The following TET2 variants were observed in gnomAD, a reference collection of about 807,000 sequenced individuals.
The protein encoded by TET2 is tet methylcytosine dioxygenase 2, also known as methylcytosine dioxygenase TET2.
In TET2, 299 loss-of-function variants were observed where a neutral mutation model predicts 142.9. The observed-to-expected ratio is 2.09, with a 90% confidence interval of 1.90 to 2.30. The LOEUF is 2.30. Among genes scored for constraint, TET2 ranks in the 30% most tolerant of loss-of-function variants. The pLI is 0.00. For synonymous variants in TET2, 819 were observed against 849.0 expected, an observed-to-expected ratio of 0.96 and a Z score of 0.61; for missense variants, 2,418 against 2,378.0, an observed-to-expected ratio of 1.02 and a Z score of -0.35.
intron 6 of TET2, among the ~76,000 whole-genome samples, chr4:105,254,609 C>T (rs1730031344): frequency 1.3e-5 from 2 of 151,986 alleles, no homozygotes; most frequent in South Asian, 2.1e-4. Context: ...ATGGAGTTTT[C>T]CTATGTTGCC....
chr4:105,195,530 T>C (rs1726035327), intron 2 of TET2, among the ~76,000 whole-genome samples: 1 of 152,138 alleles, frequency 6.6e-6, no homozygotes, highest in Non-Finnish European at 1.5e-5. Context: ...TCAAGTCTCT[T>C]ATATAAAATA....
chr4:105,163,850 AGAGAGTGTGT>A (rs1724005851), intron 1 of TET2, among the ~76,000 whole-genome samples: 3 of 109,644 alleles, frequency 2.7e-5, no homozygotes, highest in East Asian at 5.2e-4. Context: ...AGAGAGAGAG[AGAGAGTGTGT>A]GTGTGTGTGT....
chr4:105,165,016 G>A (rs553220869), intron 1 of TET2, among the ~76,000 whole-genome samples: 1 of 152,102 alleles, frequency 6.6e-6, no homozygotes, highest in Non-Finnish European at 1.5e-5. Flanking sequence ...AGATATTACT[G>A]TTTTTCCTCT....
At position 105,190,508 on chromosome 4, in the gene TET2, A is replaced by G. The variant is rs1483616883; in HGVS notation, c.-47+3A>G. On this transcript the variant is annotated splice_donor_region_variant and intron_variant, in intron 2 of 10. Transcript: ENST00000380013. ...AGCAGTAAGGGACTGAGCTGCTGGT[A>G]AGACAGTGGAGACAGTTGACACTTG... 2.8e-6 allele frequency: 2 copies of G among 701,776 alleles called. No homozygotes were observed. The highest frequency in any genetic ancestry group is 3.0e-5 in the South Asian group (2 of 67,506). The allele number at this position is 701,776 out of a possible 1,614,324, so 43.5% of individuals were successfully genotyped here.
chr4:105,228,677 T>C (rs927945037), intron 2 of TET2, among the ~76,000 whole-genome samples: 1 of 152,166 alleles, frequency 6.6e-6, no homozygotes, highest in Non-Finnish European at 1.5e-5. Flanking sequence ...TTTTGATTGC[T>C]CTGTATATGA....
chr4:105,234,425 A>G lies in TET2; in HGVS notation c.483A>G (p.Lys161=). 6.2e-7 allele frequency: 1 copy of G among 1,614,018 alleles called. No homozygotes were observed. The highest frequency in any genetic ancestry group is 8.5e-7 in the Non-Finnish European group (1 of 1,180,010). The part of the protein sequence containing the change: ...VSSVAQENAV[K]DFTSFSTHNC... Reference sequence around the variant, plus strand: ...CTGTAGCCCAAGAAAATGCAGTTAAAGATTTCACCAGTTTTTCAACACATA... The same window carrying G: ...CTGTAGCCCAAGAAAATGCAGTTAAGGATTTCACCAGTTTTTCAACACATA... Residue 161 remains lysine (K), a synonymous_variant, in exon 3 of 11, where the codon AAA becomes AAG. Transcript: ENST00000380013.
chr4:105,228,782 A>G (rs1334028401), intron 2 of TET2, among the ~76,000 whole-genome samples: 2 of 152,084 alleles, frequency 1.3e-5, no homozygotes, highest in Admixed American at 6.5e-5. Context: ...ATTTAGATTT[A>G]TGTCTATGCT....
chr4:105,259,649 A>G lies in TET2; in HGVS notation c.3834A>G (p.Pro1278=), dbSNP rs375564352. The change falls in exon 7 of 11, where the codon CCA becomes CCG. Residue 1278 remains proline, a synonymous_variant. Coordinates refer to ENST00000380013, the MANE Select transcript of TET2 (RefSeq NM_001127208.3). ...CTTGCGCCTGTCAGGGGCTGGATCC[A>G]GAAACCTGTGGTGCCTCCTTCTCTT... ...ERTCACQGLD[P]ETCGASFSFG... is the part of the protein sequence containing the mutation. The G allele has an allele frequency of 6.4e-7, 1 of 1,551,054 alleles. No individual in the cohort carries two copies. The highest frequency in any genetic ancestry group is 8.7e-7 in the Non-Finnish European group (1 of 1,146,532).
chr4:105,147,066 C>T (rs1319866818), intron 1 of TET2, 87 bp downstream of exon 1: 1 of 152,266 alleles, frequency 6.6e-6, no homozygotes, highest in Non-Finnish European at 1.5e-5. Flanking sequence ...GGGAGCAAAC[C>T]CTGTAGTGTC....
In TET2 at chr4:105,259,682, T is replaced by G; in HGVS notation, c.3867T>G (p.Cys1289Trp). 1 of 1,551,252 alleles carries G rather than the reference T, an allele frequency of 6.4e-7. No individual in the cohort carries two copies. Among genetic ancestry groups the G allele is most frequent in the Non-Finnish European group, 8.7e-7 (1 of 1,146,616 alleles). Reference protein sequence around the residue: ...ETCGASFSFGCSWSMYYNGCK... With the variant: ...ETCGASFSFGWSWSMYYNGCK... The stretch of plus-strand genomic sequence containing the variant: ...GTGGTGCCTCCTTCTCTTTTGGTTG[T>G]TCATGGAGCATGTACTACAATGGAT... Residue 1289 changes from cysteine to tryptophan, a missense_variant, in exon 7 of 11, where the codon TGT (cysteine) becomes TGG (tryptophan). Transcript: ENST00000380013.
intron 1 of TET2, among the ~76,000 whole-genome samples, chr4:105,184,654 A>G (rs1006526735): frequency 6.6e-6 from 1 of 152,208 alleles, no homozygotes; most frequent in African/African-American, 2.4e-5. Flanking sequence ...ACTGCCAAGT[A>G]GCTGACATTC....
At position 105,259,749 on chromosome 4, in the gene TET2, C is replaced by A; in HGVS notation, c.3934C>A (p.Leu1312Ile). 4 of 1,550,794 alleles carry A rather than the reference C, an allele frequency of 2.6e-6. No homozygotes were observed. The highest frequency in any genetic ancestry group is 3.5e-6 in the Non-Finnish European group (4 of 1,146,388). ...RSKIPRKFKL[L>I]GDDPKEEEKL... is the part of the protein sequence containing the mutation. ...CAAGATCCCAAGGAAGTTTAAGCTG[C>A]TTGGGGATGACCCAAAAGAGGTTTG... Residue 1312 changes from leucine (L) to isoleucine (I), a missense_variant, in exon 7 of 11, where the codon CTT becomes ATT. Coordinates refer to ENST00000380013, the MANE Select transcript of TET2 (RefSeq NM_001127208.3).
chr4:105,249,459 C>T (rs898110707), intron 6 of TET2, among the ~76,000 whole-genome samples: 1 of 152,190 alleles, frequency 6.6e-6, no homozygotes, highest in Non-Finnish European at 1.5e-5. Flanking sequence ...TTGGGATATA[C>T]ACCTAGGAGT....
rs899045799 is a variant in TET2, at chr4:105,276,632, T to C, written c.*113T>C. ...AAGGTCACAGTATTCATGACAAATG[T>C]GGTGGGAAAAACCTCAGCTCACCAG... On this transcript the variant is annotated 3_prime_UTR_variant, in exon 11 of 11. Transcript: ENST00000380013. 2.2e-5 allele frequency: 28 copies of C among 1,265,262 alleles called. No homozygotes were observed. The highest frequency in any genetic ancestry group is 2.9e-5 in the Admixed American group (1 of 34,542). 78.4% of individuals were successfully genotyped at this position (1,265,262 alleles called of 1,614,324 possible). A position where few individuals can be genotyped will look rare whatever the true frequency, so the allele number is the denominator to read the frequency against.
At chr4:105,169,836 T>C (rs555379559) in intron 1 of TET2, among the ~76,000 whole-genome samples, 1 of 152,258 alleles carries the variant, frequency 6.6e-6, no homozygotes, top group East Asian at 1.9e-4. Context: ...TTGAATAGGG[T>C]GTCCTTTACC....
intron 1 of TET2, among the ~76,000 whole-genome samples, chr4:105,160,228 A>G (rs1335058422): frequency 1.3e-5 from 2 of 152,128 alleles, no homozygotes; most frequent in African/African-American, 4.8e-5. Flanking sequence ...AGCTAAAACA[A>G]CAACAACAAA....
chr4:105,161,544 T>G (rs1041856180), intron 1 of TET2, among the ~76,000 whole-genome samples: 1 of 152,208 alleles, frequency 6.6e-6, no homozygotes, highest in Non-Finnish European at 1.5e-5. Context: ...CTGAACACTC[T>G]CGAGCTTTAA....
chr4:105,252,011 G>T (rs959309611), intron 6 of TET2, among the ~76,000 whole-genome samples: 1 of 152,158 alleles, frequency 6.6e-6, no homozygotes, highest in Non-Finnish European at 1.5e-5. Context: ...TACATTTGTT[G>T]CAGTCAATGA....
intron 2 of TET2, among the ~76,000 whole-genome samples, chr4:105,208,366 C>G (rs1237116390): frequency 6.6e-6 from 1 of 152,072 alleles, no homozygotes; most frequent in East Asian, 1.9e-4. Context: ...TGTAAACAAC[C>G]CAAATGGCTA....
Sources: allele counts gnomAD v4.1 joint callset (sites outside exome capture counted in the v4.1 genomes callset), GRCh38; gene constraint gnomAD v4.1.1; transcripts MANE v1.5; gene names NCBI Gene and HGNC (gene_info 2026-07-23, HGNC 2026-07-21).